The following COL4A5 variants were observed in gnomAD, a reference collection of about 807,000 sequenced individuals.
COL4A5 encodes the protein collagen type IV alpha 5 chain, also known as collagen alpha-5(IV) chain.
Under a neutral mutation model 130.2 loss-of-function variants are expected in COL4A5, and 26 were observed. That is an observed-to-expected ratio of 0.20 (90% CI 0.15 to 0.28). The LOEUF is 0.28. Among genes scored for constraint, COL4A5 ranks in the 10% least tolerant of loss-of-function variants. The pLI, the probability that COL4A5 is intolerant of heterozygous loss-of-function variation, is 1.00. For synonymous variants in COL4A5, 496 were observed against 439.6 expected, an observed-to-expected ratio of 1.13 and a Z score of -1.60; for missense variants, 1,131 against 1,344.3, an observed-to-expected ratio of 0.84 and a Z score of 2.48.
Position 108,621,879 on chromosome X carries a change from A to G in COL4A5, c.2754A>G (p.Val918=), listed in dbSNP as rs2067059947. Residue 918 remains valine (V), a synonymous_variant, in exon 32 of 53, where the codon GTA becomes GTG. Transcript: ENST00000328300. ...GPLGIPGRSG[V]PGLKGDDGLQ... is the part of the protein sequence containing the mutation. The stretch of plus-strand genomic sequence containing the variant: ...TGGGAATTCCTGGCAGGAGTGGTGT[A>G]CCTGGTCTTAAAGGTAATAATCAAG... The G allele has an allele frequency of 2.5e-6, 3 of 1,201,735 alleles. No individual in the cohort carries two copies. The highest frequency in any genetic ancestry group is 3.4e-6 in the Non-Finnish European group (3 of 886,808).
intron 35 of COL4A5, 84 bp from the exon 36 acceptor site, chrX:108,626,126 C>A: frequency 1.6e-5 from 16 of 974,702 alleles, no homozygotes; most frequent in Non-Finnish European, 2.1e-5. Context: ...TTTTAAAAAT[C>A]TTTTTGCTTT....
In COL4A5 at chrX:108,620,182, T is replaced by G. The variant is rs1471604145; in HGVS notation, c.2510-77T>G. The G allele has an allele frequency of 1.2e-5, 11 of 891,801 alleles. No homozygotes were observed. In the Admixed American group the frequency reaches 2.5e-4, roughly 20 times the overall value. 73.5% of individuals were successfully genotyped at this position (891,801 alleles called of 1,213,427 possible). A position where few individuals can be genotyped will look rare whatever the true frequency, so the allele number is the denominator to read the frequency against. ...CTGTTATCTACAGGGTTCTATCACT[T>G]GTTTACTAGAAATATAACCAGATAC... On this transcript the variant is annotated intron_variant, in intron 30 of 52. Coordinates refer to ENST00000328300, the MANE Select transcript of COL4A5 (RefSeq NM_033380.3).
chrX:108,520,114 T>C (rs970684846), intron 1 of COL4A5, among the ~76,000 whole-genome samples: 1 of 111,803 alleles, frequency 8.9e-6, no homozygotes, highest in Admixed American at 9.5e-5. Context: ...AAGATTGGCC[T>C]GTAATTTTTC....
chrX:108,626,284 C>G lies in COL4A5; in HGVS notation c.3181C>G (p.Gln1061Glu). 1 of 1,210,569 alleles carries G rather than the reference C, an allele frequency of 8.3e-7. No individual in the cohort carries two copies. Among genetic ancestry groups the G allele is most frequent in the South Asian group, 1.8e-5 (1 of 56,928 alleles). The change falls in exon 36 of 53, where the codon CAG becomes GAG. Residue 1061 changes from glutamine to glutamate, a missense_variant. Gln to Glu is a conservative substitution (Grantham distance 29). Coordinates refer to ENST00000328300, the MANE Select transcript of COL4A5 (RefSeq NM_033380.3). ...ACCTGGCTCCCCAGGATTACCTGGA[C>G]AGAAAGGCGACAAAGGTGATCCTGG... ...GQPGSPGLPG[Q>E]KGDKGDPGIS...
intron 47 of COL4A5, among the ~76,000 whole-genome samples, chrX:108,684,213 G>A (rs759033562): frequency 2.1e-4 from 23 of 110,914 alleles, no homozygotes; most frequent in African/African-American, 6.5e-4. Flanking sequence ...AACTAGAGAA[G>A]CAAGAACAAA....
chrX:108,562,589 G>C lies in COL4A5; in HGVS notation c.232-1293G>C, dbSNP rs554308262. ...ATTTCATTTCAGTTATCTAAAAAGAGAGAAGGTAAACTGCTTTCTAAACTT... is the reference window on the plus strand; with the variant it reads ...ATTTCATTTCAGTTATCTAAAAAGACAGAAGGTAAACTGCTTTCTAAACTT... On this transcript the variant is annotated intron_variant, in intron 3 of 52. Transcript: ENST00000328300. Among the ~76,000 whole-genome samples the C allele has an allele frequency of 2.7e-5, 3 of 111,586 alleles. No individual in the cohort carries two copies. The East Asian group carries it at 8.5e-4, about 31-fold the overall frequency.
chrX:108,618,579 T>C (rs190271243), intron 30 of COL4A5, among the ~76,000 whole-genome samples: 63 of 112,005 alleles, frequency 5.6e-4, no homozygotes, highest in African/African-American at 2.0e-3. Context: ...ATTTCATTTA[T>C]AGAATAAGCT....
intron 21 of COL4A5, among the ~76,000 whole-genome samples, chrX:108,594,770 C>T (rs1177899617): frequency 9.1e-6 from 1 of 109,600 alleles, no homozygotes; most frequent in Non-Finnish European, 1.9e-5. Flanking sequence ...ATTGCAACCC[C>T]CCACCCTTCC....
chrX:108,445,403 G>A (rs2064442784), intron 1 of COL4A5, among the ~76,000 whole-genome samples: 1 of 111,757 alleles, frequency 8.9e-6, no homozygotes, highest in Non-Finnish European at 1.9e-5. Context: ...CAACTTCTAA[G>A]TACTCAAAAA....
intron 12 of COL4A5, 30 bp from the exon 13 acceptor site, chrX:108,578,261 C>G: frequency 8.6e-7 from 1 of 1,166,950 alleles, no homozygotes. Flanking sequence ...TATGAAGTAT[C>G]ACCACTGTCT....
At chrX:108,528,085 G>A (rs2065345193) in intron 1 of COL4A5, among the ~76,000 whole-genome samples, 1 of 111,810 alleles carries the variant, frequency 8.9e-6, no homozygotes, top group Non-Finnish European at 1.9e-5. Flanking sequence ...ACTGACAACA[G>A]CCAACACCAG....
chrX:108,558,170 C>A (rs754783854), intron 2 of COL4A5, among the ~76,000 whole-genome samples: 2 of 100,138 alleles, frequency 2.0e-5, no homozygotes, highest in African/African-American at 3.7e-5. Flanking sequence ...TGAGAACATG[C>A]GGTGTTTGGT....
intron 27 of COL4A5, 86 bp downstream of exon 27, chrX:108,602,075 A>G (rs2066642561): frequency 3.8e-6 from 2 of 522,363 alleles, no homozygotes; most frequent in East Asian, 7.7e-5. Flanking sequence ...CAAATAAAAT[A>G]TATTAATTGC....
intron 36 of COL4A5, among the ~76,000 whole-genome samples, chrX:108,648,188 T>G (rs1210028324): frequency 9.1e-6 from 1 of 110,442 alleles, no homozygotes. Context: ...CTGAAAACCC[T>G]CCCATCTTAA....
intron 4 of COL4A5, among the ~76,000 whole-genome samples, chrX:108,568,170 C>T (rs2066002270): frequency 1.8e-5 from 2 of 111,796 alleles, no homozygotes; most frequent in African/African-American, 6.5e-5. Context: ...TACTTTTTCA[C>T]CATAGTCTCA....
At chrX:108,635,271 T>C (rs748637485) in intron 36 of COL4A5, among the ~76,000 whole-genome samples, 2 of 110,591 alleles carry the variant, frequency 1.8e-5, no homozygotes, top group South Asian at 7.7e-4. Context: ...TCAATGAGAT[T>C]AAAACATGCT....
intron 36 of COL4A5, chrX:108,626,633 T>C: frequency 4.7e-6 from 5 of 1,053,467 alleles, no homozygotes; most frequent in Non-Finnish European, 6.1e-6. Flanking sequence ...TTTCTGGTCT[T>C]GTTAGTCCAT....
At chrX:108,618,715 T>C (rs978569757) in intron 30 of COL4A5, among the ~76,000 whole-genome samples, 1 of 108,768 alleles carries the variant, frequency 9.2e-6, no homozygotes, top group Non-Finnish European at 1.9e-5. Flanking sequence ...AAATGCTTAG[T>C]TTTTTTTTCC....
chrX:108,539,656 T>G, intron 1 of COL4A5, 90 bp from the exon 2 acceptor site: 1 of 749,372 alleles, frequency 1.3e-6, no homozygotes, highest in Non-Finnish European at 2.1e-6. Context: ...TCTTTCAAGT[T>G]TGGATTGTTG....
Sources: gnomAD v4.1 joint callset for allele counts (sites outside exome capture counted in the v4.1 genomes callset) on GRCh38, gnomAD v4.1.1 for gene constraint, MANE v1.5 for transcripts, NCBI Gene and HGNC (gene_info 2026-07-23, HGNC 2026-07-21) for gene names.